THSD7B: variants seen among roughly 807,000 people sequenced by gnomAD.
THSD7B encodes thrombospondin type 1 domain containing 7B, also known as thrombospondin type-1 domain-containing protein 7B.
THSD7B carries 138 observed loss-of-function variants against 213.6 expected under a neutral mutation model. The ratio of observed to expected loss-of-function variants is 0.65; its 90% confidence interval spans 0.56 to 0.74. THSD7B has a LOEUF of 0.74. Among genes scored for constraint, THSD7B ranks in the 30% least tolerant of loss-of-function variants. THSD7B has a pLI of 0.00. For missense variants in THSD7B, 1,931 were observed against 1,991.5 expected (o/e 0.97, Z 0.58); for synonymous variants, 742 against 687.0 (o/e 1.08, Z -1.25).
At chr2:137,316,282 A>C (rs1259488669) in intron 12 of THSD7B, among the ~76,000 whole-genome samples, 2 of 152,228 alleles carry the variant, frequency 1.3e-5, no homozygotes, top group Admixed American at 1.3e-4. Flanking sequence ...AGGTTAAATG[A>C]CTGTTCTTAA....
chr2:137,431,527 C>A lies in THSD7B; in HGVS notation c.2960-19318C>A, dbSNP rs1687185309. Among the ~76,000 whole-genome samples the A allele has an allele frequency of 3.3e-5, 5 of 152,156 alleles. 1 individual carries two copies. In the South Asian group the frequency reaches 1.0e-3, roughly 32 times the overall value. ...CTCCACAAAAGATGGCTTTGCAGGG[C>A]CATTTCAAGATATGGCAGAGAAACA... On this transcript the variant is annotated intron_variant, in intron 14 of 27. Transcript: ENST00000409968.
chr2:137,630,159 A>T (rs1416389365), intron 20 of THSD7B, among the ~76,000 whole-genome samples: 1 of 152,078 alleles, frequency 6.6e-6, no homozygotes, highest in Non-Finnish European at 1.5e-5. Flanking sequence ...ACACCTGATT[A>T]AATTTTCTAT....
intron 9 of THSD7B, 111 bp downstream of exon 9, chr2:137,233,244 G>C (rs1681683675): frequency 2.0e-6 from 2 of 1,000,796 alleles, no homozygotes; most frequent in Non-Finnish European, 2.9e-6. Context: ...TAGAGTAAGA[G>C]GGTTTGTTGT....
intron 2 of THSD7B, among the ~76,000 whole-genome samples, chr2:136,962,646 T>C (rs923619501): frequency 1.3e-5 from 2 of 152,030 alleles, no homozygotes; most frequent in Non-Finnish European, 1.5e-5. Flanking sequence ...AAAGGGATGA[T>C]GTCAAGAGTC....
chr2:137,090,147 G>C (rs1452386705), intron 3 of THSD7B, among the ~76,000 whole-genome samples: 1 of 151,824 alleles, frequency 6.6e-6, no homozygotes, highest in Non-Finnish European at 1.5e-5. Flanking sequence ...CATGTGATCT[G>C]TATATACAGG....
chr2:136,981,069 C>T (rs4954366), intron 2 of THSD7B, among the ~76,000 whole-genome samples: 59,201 of 151,814 alleles, frequency 0.39, 13,081 homozygotes, highest in East Asian at 0.66. Flanking sequence ...CATCTTGGCC[C>T]CTCCTGTTTT....
chr2:136,850,128 T>G (rs1232763109), intron 1 of THSD7B, among the ~76,000 whole-genome samples: 1 of 152,104 alleles, frequency 6.6e-6, no homozygotes, highest in Non-Finnish European at 1.5e-5. Flanking sequence ...TATGGTTTCA[T>G]ACTTTATGTA....
intron 15 of THSD7B, among the ~76,000 whole-genome samples, chr2:137,548,539 CTCAGAAGTCT>C (rs1211304086): frequency 1.3e-5 from 2 of 151,950 alleles, no homozygotes; most frequent in African/African-American, 4.8e-5. Context: ...CAATATAAAT[CTCAGAAGTCT>C]TAGTAACTCT....
At chr2:136,861,469 T>C (rs1558829446) in intron 1 of THSD7B, among the ~76,000 whole-genome samples, 1 of 152,224 alleles carries the variant, frequency 6.6e-6, no homozygotes, top group Non-Finnish European at 1.5e-5. Flanking sequence ...TATATTCTCA[T>C]TCTACATGGG....
chr2:137,312,161 T>C (rs1573953309), intron 12 of THSD7B, among the ~76,000 whole-genome samples: 1 of 152,172 alleles, frequency 6.6e-6, no homozygotes, highest in Admixed American at 6.5e-5. Flanking sequence ...TGGTAAGCTA[T>C]TGATTATTGC....
intron 3 of THSD7B, among the ~76,000 whole-genome samples, chr2:137,074,471 A>G (rs1461416876): frequency 1.3e-5 from 2 of 152,118 alleles, no homozygotes; most frequent in Non-Finnish European, 2.9e-5. Flanking sequence ...TTTTGAGCCC[A>G]TGTGTGTCCC....
At chr2:137,464,132 C>T (rs1022533355) in intron 15 of THSD7B, among the ~76,000 whole-genome samples, 1 of 152,000 alleles carries the variant, frequency 6.6e-6, no homozygotes, top group Non-Finnish European at 1.5e-5. Context: ...ACCTTTAGGT[C>T]CATCATAATT....
intron 17 of THSD7B, among the ~76,000 whole-genome samples, chr2:137,589,659 C>G (rs1467513588): frequency 6.6e-6 from 1 of 152,074 alleles, no homozygotes. Context: ...TATTTGGGGT[C>G]TGGTTTCTTA....
At chr2:137,045,713 A>G (rs1686957174) in intron 2 of THSD7B, among the ~76,000 whole-genome samples, 1 of 152,196 alleles carries the variant, frequency 6.6e-6, no homozygotes, top group South Asian at 2.1e-4. Flanking sequence ...CATCATTCTC[A>G]TTAGAGCTAT....
At chr2:137,357,711 TCTC>T (rs989759772) in intron 12 of THSD7B, among the ~76,000 whole-genome samples, 19 of 152,160 alleles carry the variant, frequency 1.2e-4, no homozygotes, top group African/African-American at 4.6e-4. Context: ...CATGACCAGT[TCTC>T]CTACCCACCA....
At chr2:137,186,280 A>G (rs1680549868) in intron 7 of THSD7B, among the ~76,000 whole-genome samples, 1 of 152,016 alleles carries the variant, frequency 6.6e-6, no homozygotes, top group Admixed American at 6.6e-5. Flanking sequence ...ATTGCTTTTA[A>G]GGACCTAGCC....
chr2:136,861,617 A>C (rs1376234292), intron 1 of THSD7B, among the ~76,000 whole-genome samples: 3 of 152,216 alleles, frequency 2.0e-5, no homozygotes, highest in Non-Finnish European at 4.4e-5. Context: ...CAGCAGAATA[A>C]TCAAATGTCT....
rs762487892 is a variant in THSD7B at position 137,565,022 on chromosome 2, T to TAAG, written c.3272+1673_3272+1675dup. ...TAATCCATTCTAACTGGTGGCCTTA[T>TAAG]AAGAAGAGAAGACTAGGACACAGAC... On this transcript the variant is annotated intron_variant, in intron 16 of 27. Transcript: ENST00000409968. 7.2e-5 allele frequency among the ~76,000 whole-genome samples: 11 copies of TAAG among 152,094 alleles called. No individual in the cohort carries two copies. In the South Asian group the frequency reaches 2.3e-3, roughly 32 times the overall value.
chr2:136,976,611 A>C (rs1034843852), intron 2 of THSD7B, among the ~76,000 whole-genome samples: 1 of 151,646 alleles, frequency 6.6e-6, no homozygotes, highest in Non-Finnish European at 1.5e-5. Flanking sequence ...TGTTCATCAG[A>C]GATATTGGCC....
Sources: allele counts gnomAD v4.1 joint callset (sites outside exome capture counted in the v4.1 genomes callset), GRCh38; gene constraint gnomAD v4.1.1; transcripts MANE v1.5; gene names NCBI Gene and HGNC (gene_info 2026-07-23, HGNC 2026-07-21).